ZMYM2: variants seen among roughly 807,000 people sequenced by gnomAD.
ZMYM2 encodes zinc finger MYM-type containing 2.
Under a neutral mutation model 162.8 loss-of-function variants are expected in ZMYM2, and 56 were observed. The observed-to-expected ratio is 0.34, with a 90% CI of 0.28 to 0.43. The LOEUF is 0.43. Among genes scored for constraint, ZMYM2 ranks in the 20% least tolerant of loss-of-function variants. The pLI, the probability that ZMYM2 is intolerant of heterozygous loss-of-function variation, is 1.00. For synonymous variants in ZMYM2, 510 were observed against 541.6 expected (o/e 0.94, Z 0.81); for missense variants, 1,275 against 1,621.8 (o/e 0.79, Z 3.67).
the ZMYM2 span, among the ~76,000 whole-genome samples, chr13:19,900,031 T>C: frequency 0.91 from 138,933 of 152,130 alleles, 64,593 homozygotes; most frequent in East Asian, 1. Context: ...ACAGGCCAGG[T>C]GAGATGGCTC....
At chr13:19,983,459 TTTC>T (rs1957535459) in intron 2 of ZMYM2, among the ~76,000 whole-genome samples, 2 of 151,928 alleles carry the variant, frequency 1.3e-5, no homozygotes, top group Non-Finnish European at 2.9e-5. Flanking sequence ...CATTTTTATA[TTTC>T]TTCATTTCTT....
chr13:19,950,412 T>G, the ZMYM2 span, among the ~76,000 whole-genome samples: 3 of 152,354 alleles, frequency 2.0e-5, no homozygotes, highest in East Asian at 5.8e-4. Flanking sequence ...AAGTTTCCCC[T>G]TACAGGGTGA....
the ZMYM2 span, among the ~76,000 whole-genome samples, chr13:19,911,601 A>G: frequency 6.6e-6 from 1 of 152,206 alleles, no homozygotes; most frequent in Non-Finnish European, 1.5e-5. Context: ...AAGACCCAAA[A>G]GGTCACTGTG....
At chr13:20,011,706 A>G (rs1169225129) in intron 6 of ZMYM2, among the ~76,000 whole-genome samples, 2 of 151,084 alleles carry the variant, frequency 1.3e-5, no homozygotes, top group African/African-American at 2.4e-5. Context: ...CAGCCTCCCA[A>G]GTAGCTGGGA....
chr13:19,870,573 T>TCTTTC, the ZMYM2 span, among the ~76,000 whole-genome samples: 3 of 136,284 alleles, frequency 2.2e-5, no homozygotes, highest in Non-Finnish European at 4.8e-5. Flanking sequence ...CTTCCTTCCT[T>TCTTTC]CTTTCCTTTC....
chr13:19,866,046 A>ATT, the ZMYM2 span, among the ~76,000 whole-genome samples: 21,686 of 148,616 alleles, frequency 0.15, 2,006 homozygotes, highest in African/African-American at 0.26. Flanking sequence ...AATACTTAAG[A>ATT]TTTTTTTTTT....
intron 12 of ZMYM2, among the ~76,000 whole-genome samples, chr13:20,044,656 G>A (rs984778165): frequency 1.3e-5 from 2 of 152,110 alleles, no homozygotes; most frequent in Non-Finnish European, 1.5e-5. Flanking sequence ...TGGACTTGTG[G>A]GTAGTCAGAA....
rs1466670068 is a variant in ZMYM2, at chr13:20,081,627, T to C, written c.3454-389T>C. 2.6e-5 allele frequency among the ~76,000 whole-genome samples: 4 copies of C among 152,174 alleles called. No homozygotes were observed. In the East Asian group the frequency reaches 7.7e-4, roughly 29 times the overall value. ...TTTTCTTTAGTCATTACCTTAATTA[T>C]AACTCTTACTTTATAAGAAAAAAAA... is the stretch of plus-strand genomic sequence containing the variant. On this transcript the variant is annotated intron_variant, in intron 21 of 24. Coordinates refer to ENST00000610343, the MANE Select transcript of ZMYM2 (RefSeq NM_197968.4).
At chr13:20,058,762 A>G in intron 15 of ZMYM2, 58 bp downstream of exon 15, 8 of 1,592,178 alleles carry the variant, frequency 5.0e-6, no homozygotes, top group Non-Finnish European at 6.0e-6. Context: ...ACCTAATGAA[A>G]TACATGCTTT....
At chr13:20,043,501 C>CTGG (rs35874928) in intron 12 of ZMYM2, among the ~76,000 whole-genome samples, 2 of 151,934 alleles carry the variant, frequency 1.3e-5, no homozygotes, top group Non-Finnish European at 2.9e-5. Context: ...TGTGGTTGCA[C>CTGG]TGGTGGTGGT....
At chr13:20,084,372 T>TA (rs1958108596) in intron 24 of ZMYM2, among the ~76,000 whole-genome samples, 1 of 152,212 alleles carries the variant, frequency 6.6e-6, no homozygotes, top group Non-Finnish European at 1.5e-5. Flanking sequence ...AACTTTTTCT[T>TA]AAACGGTCAG....
rs753603008 is a variant in ZMYM2, at chr13:20,006,461, A to G, written c.1387A>G (p.Ile463Val). The change falls in exon 6 of 25, where the codon ATA becomes GTA. Residue 463 changes from isoleucine to valine, a missense_variant. Transcript: ENST00000610343. Reference protein sequence around the residue: ...FNRYRMANGLIMNCCEQCGEY... With the variant: ...FNRYRMANGLVMNCCEQCGEY... ...TAGATATAGAATGGCCAATGGTTTA[A>G]TAATGAATTGCTGTGAACAGTGTGG... 11 of 1,612,958 alleles carry G rather than the reference A, an allele frequency of 6.8e-6. No individual in the cohort carries two copies. The highest frequency in any genetic ancestry group is 4.4e-5 in the South Asian group (4 of 90,872).
intron 9 of ZMYM2, 58 bp downstream of exon 9, chr13:20,027,376 C>T (rs1952679827): frequency 7.5e-7 from 1 of 1,326,908 alleles, no homozygotes; most frequent in Non-Finnish European, 1.0e-6. Context: ...AGAAAATAAT[C>T]AGTGTAATAT....
At position 20,088,946 on chromosome 13, in the gene ZMYM2, A is replaced by G. The variant is rs1369744236; in HGVS notation, c.*2932A>G. Reference sequence around the variant, plus strand: ...AAATATCTTGCAGCCTTAAATCACTACAAACATTTGCATTTTTATTATGCC... The same window carrying G: ...AAATATCTTGCAGCCTTAAATCACTGCAAACATTTGCATTTTTATTATGCC... On this transcript the variant is annotated 3_prime_UTR_variant, in exon 25 of 25. Transcript: ENST00000610343. 1.0e-5 allele frequency: 2 copies of G among 199,178 alleles called. No individual in the cohort carries two copies. The highest frequency in any genetic ancestry group is 2.1e-5 in the Non-Finnish European group (2 of 96,278). 12.3% of individuals were successfully genotyped at this position (199,178 alleles called of 1,614,324 possible).
At chr13:20,048,823 C>T in intron 12 of ZMYM2, among the ~76,000 whole-genome samples, 1 of 148,012 alleles carries the variant, frequency 6.8e-6, no homozygotes, top group South Asian at 2.1e-4. Context: ...TTTTTTTCCC[C>T]CTCCCTCTTA....
chr13:20,072,911 GTTC>G (rs1168625456), intron 21 of ZMYM2, among the ~76,000 whole-genome samples: 2 of 150,494 alleles, frequency 1.3e-5, no homozygotes, highest in Admixed American at 6.6e-5. Flanking sequence ...TTGTTTCTTA[GTTC>G]TTTTTTTTTT....
intron 12 of ZMYM2, among the ~76,000 whole-genome samples, chr13:20,040,895 C>T (rs983008061): frequency 6.6e-6 from 1 of 152,094 alleles, no homozygotes; most frequent in Non-Finnish European, 1.5e-5. Context: ...ATTCAATTCC[C>T]ATGTAATTGT....
chr13:19,901,140 C>T, the ZMYM2 span, among the ~76,000 whole-genome samples: 959 of 152,066 alleles, frequency 6.3e-3, 12 homozygotes, highest in African/African-American at 0.022. Flanking sequence ...GGCATCAATG[C>T]CACAAGAGGA....
chr13:19,994,691 C>T (rs1949886957), intron 3 of ZMYM2, among the ~76,000 whole-genome samples: 1 of 151,968 alleles, frequency 6.6e-6, no homozygotes, highest in South Asian at 2.1e-4. Context: ...ATCATGTTGG[C>T]CAGGCCAGGC....
Sources: gnomAD v4.1 joint callset for allele counts (sites outside exome capture counted in the v4.1 genomes callset) on GRCh38, gnomAD v4.1.1 for gene constraint, MANE v1.5 for transcripts, NCBI Gene and HGNC (gene_info 2026-07-23, HGNC 2026-07-21) for gene names.